Variants in C8orf34 observed in about 807,000 individuals in gnomAD.
C8orf34 encodes uncharacterized protein C8orf34.
A neutral mutation model predicts 68.3 loss-of-function variants in C8orf34; 65 were observed. The ratio of observed to expected loss-of-function variants is 0.95; its 90% CI spans 0.78 to 1.17. The LOEUF is 1.17. Ranked by LOEUF, C8orf34 falls within the 50% of genes most tolerant of loss-of-function variation. The pLI, the probability that C8orf34 is intolerant of heterozygous loss-of-function variation, is 0.00. For missense variants in C8orf34, 664 were observed against 655.4 expected (o/e 1.01, Z -0.14); for synonymous variants, 244 against 241.2 (o/e 1.01, Z -0.11).
intron 9 of C8orf34, among the ~76,000 whole-genome samples, chr8:68,713,208 A>G (rs1336360720): frequency 6.6e-6 from 1 of 152,134 alleles, no homozygotes; most frequent in Non-Finnish European, 1.5e-5. Context: ...TTAAATGCCT[A>G]TATCAAGAAG....
At chr8:68,479,926 T>G (rs1812786821) in intron 4 of C8orf34, among the ~76,000 whole-genome samples, 1 of 152,248 alleles carries the variant, frequency 6.6e-6, no homozygotes, top group African/African-American at 2.4e-5. Context: ...TTGTGGCTCA[T>G]GTTCTAAGCA....
chr8:68,462,237 C>G (rs1811870576), intron 3 of C8orf34, among the ~76,000 whole-genome samples: 1 of 152,084 alleles, frequency 6.6e-6, no homozygotes, highest in Non-Finnish European at 1.5e-5. Flanking sequence ...ACAAGAAGAG[C>G]TAACTATCCT....
At chr8:68,779,420 T>C (rs753120661) in intron 11 of C8orf34, among the ~76,000 whole-genome samples, 3 of 152,072 alleles carry the variant, frequency 2.0e-5, no homozygotes, top group Non-Finnish European at 4.4e-5. Context: ...AGGAAGTTAG[T>C]TGGTGAGGGC....
chr8:68,468,463 C>T (rs529746424), intron 3 of C8orf34, among the ~76,000 whole-genome samples: 1 of 152,070 alleles, frequency 6.6e-6, no homozygotes, highest in Non-Finnish European at 1.5e-5. Flanking sequence ...CCTGAATTTT[C>T]TTTTTTCTAT....
chr8:68,765,618 A>G (rs1823149799), intron 10 of C8orf34, among the ~76,000 whole-genome samples: 1 of 152,132 alleles, frequency 6.6e-6, no homozygotes, highest in South Asian at 2.1e-4. Context: ...TTCTTAGACG[A>G]TTGGTTATGC....
chr8:68,374,543 A>G (rs964388815), intron 1 of C8orf34, among the ~76,000 whole-genome samples: 3 of 152,216 alleles, frequency 2.0e-5, no homozygotes. Flanking sequence ...CTTCATTGTA[A>G]TTATTCAACG....
At chr8:68,349,831 G>C (rs1806437082) in intron 1 of C8orf34, among the ~76,000 whole-genome samples, 1 of 151,430 alleles carries the variant, frequency 6.6e-6, no homozygotes, top group South Asian at 2.1e-4. Context: ...TTCTTATTAT[G>C]TTTGTTTGGA....
At chr8:68,583,627 T>C (rs559124791) in intron 7 of C8orf34, among the ~76,000 whole-genome samples, 1 of 152,242 alleles carries the variant, frequency 6.6e-6, no homozygotes, top group East Asian at 1.9e-4. Context: ...TAAAAGTCAA[T>C]AGGTCATGTA....
At chr8:68,749,512 C>A (rs1048719310) in intron 10 of C8orf34, among the ~76,000 whole-genome samples, 6 of 151,982 alleles carry the variant, frequency 3.9e-5, no homozygotes, top group African/African-American at 7.2e-5. Flanking sequence ...TTTTAAATTT[C>A]TGAGTTGTGA....
intron 1 of C8orf34, among the ~76,000 whole-genome samples, chr8:68,376,307 T>C (rs1490976371): frequency 6.6e-6 from 1 of 152,090 alleles, no homozygotes; most frequent in Non-Finnish European, 1.5e-5. Context: ...GAAACCCACA[T>C]AGGCTAGGAA....
At chr8:68,599,658 C>G (rs1444081804) in intron 7 of C8orf34, among the ~76,000 whole-genome samples, 3 of 151,928 alleles carry the variant, frequency 2.0e-5, no homozygotes, top group African/African-American at 7.2e-5. Context: ...ATTATACCCC[C>G]AGATATAAAT....
chr8:68,489,081 T>C (rs888164486), intron 5 of C8orf34, among the ~76,000 whole-genome samples: 1 of 152,216 alleles, frequency 6.6e-6, no homozygotes, highest in Non-Finnish European at 1.5e-5. Flanking sequence ...AAGATGTTAG[T>C]AAGAAATTTG....
intron 1 of C8orf34, among the ~76,000 whole-genome samples, chr8:68,349,169 G>T (rs914284177): frequency 5.3e-5 from 8 of 151,986 alleles, no homozygotes; most frequent in African/African-American, 1.9e-4. Context: ...GATTTACTGG[G>T]AGTTTTTAAC....
At chr8:68,426,079 G>T (rs1810200385) in intron 1 of C8orf34, among the ~76,000 whole-genome samples, 1 of 152,072 alleles carries the variant, frequency 6.6e-6, no homozygotes, top group South Asian at 2.1e-4. Context: ...TAACTAGGAA[G>T]AAAATTTTCA....
At chr8:68,733,297 T>C (rs1421566664) in intron 10 of C8orf34, among the ~76,000 whole-genome samples, 2 of 152,170 alleles carry the variant, frequency 1.3e-5, no homozygotes, top group Admixed American at 1.3e-4. Flanking sequence ...GAGGGAGATG[T>C]AATAGATTGC....
chr8:68,604,454 T>A (rs1169139751), intron 7 of C8orf34, among the ~76,000 whole-genome samples: 2 of 151,972 alleles, frequency 1.3e-5, no homozygotes, highest in Non-Finnish European at 2.9e-5. Context: ...TAAAATAAAG[T>A]ACAAACAAGT....
intron 1 of C8orf34, among the ~76,000 whole-genome samples, chr8:68,368,411 T>C (rs755634620): frequency 6.6e-6 from 1 of 152,132 alleles, no homozygotes; most frequent in African/African-American, 2.4e-5. Flanking sequence ...ATGGCTATTA[T>C]TCATGAAAAA....
chr8:68,602,412 C>T (rs1003234370), intron 7 of C8orf34, among the ~76,000 whole-genome samples: 2 of 152,122 alleles, frequency 1.3e-5, no homozygotes, highest in African/African-American at 4.8e-5. Context: ...GAAAGGGAAG[C>T]AAACACATCC....
intron 5 of C8orf34, among the ~76,000 whole-genome samples, chr8:68,494,593 C>A (rs755096252): frequency 6.6e-6 from 1 of 152,046 alleles, no homozygotes; most frequent in African/African-American, 2.4e-5. Context: ...CAGTCGCTCA[C>A]GCCTGTAATC....
Sources: gnomAD v4.1 joint callset for allele counts (sites outside exome capture counted in the v4.1 genomes callset) on GRCh38, gnomAD v4.1.1 for gene constraint, MANE v1.5 for transcripts, NCBI Gene and HGNC (gene_info 2026-07-23, HGNC 2026-07-21) for gene names.